Variants in RHBDL2 observed in about 807,000 individuals in gnomAD.
RHBDL2 encodes rhomboid like 2.
Under a neutral mutation model 31.7 loss-of-function variants are expected in RHBDL2, and 26 were observed. That is an observed-to-expected ratio of 0.82 (90% confidence interval 0.60 to 1.14). The LOEUF (loss-of-function observed/expected upper bound fraction) is 1.14. Among genes scored for constraint, RHBDL2 ranks in the 50% most tolerant of loss-of-function variants. The pLI is 0.00. For missense variants in RHBDL2, 336 were observed against 364.4 expected (o/e 0.92, Z 0.63); for synonymous variants, 123 against 127.2 (o/e 0.97, Z 0.22).
At chr1:38,904,743 A>T (rs1469719838) in intron 4 of RHBDL2, among the ~76,000 whole-genome samples, 3 of 149,606 alleles carry the variant, frequency 2.0e-5, no homozygotes, top group Non-Finnish European at 4.4e-5. Flanking sequence ...TTTTAAAAAT[A>T]AAAATTGGCC....
At chr1:38,939,200 T>A (rs141631817) in intron 1 of RHBDL2, among the ~76,000 whole-genome samples, 3,173 of 152,254 alleles carry the variant, frequency 0.021, 39 homozygotes, top group Middle Eastern at 0.051. Context: ...AAGGCCAGTG[T>A]CTAGAGAGGT....
At position 38,920,383 on chromosome 1, in the gene RHBDL2, G is replaced by C. The variant is rs143300459; in HGVS notation, c.-125-1046C>G. On this transcript the variant is annotated intron_variant, in intron 1 of 7. Coordinates refer to ENST00000372990, the MANE Select transcript of RHBDL2 (RefSeq NM_017821.5). ...GGGTTTCACCATGTTGGCCAGGCTA[G>C]TCTCGAACTCCCAACCTCAAGTGAT... Among the ~76,000 whole-genome samples, 562 of 151,840 alleles carry C rather than the reference G, an allele frequency of 3.7e-3. 2 individuals carry two copies. Among genetic ancestry groups the C allele is most frequent in the African/African-American group, 0.013 (530 of 41,396 alleles).
At position 38,912,883 on chromosome 1, in the gene RHBDL2, CATATATATAT is replaced by C. The variant is rs141150431; in HGVS notation, c.396-1459_396-1450del. On this transcript the variant is annotated intron_variant, in intron 3 of 7. Coordinates refer to ENST00000372990, the MANE Select transcript of RHBDL2 (RefSeq NM_017821.5). ...AGGAAGCTAAGTAACTACCATATAC[CATATATATAT>C]ATATATATATATATATATGTGTGTG... Among the ~76,000 whole-genome samples the C allele has an allele frequency of 5.4e-3, 579 of 106,544 alleles. 2 individuals are homozygous for C. Among genetic ancestry groups the C allele is most frequent in the Non-Finnish European group, 7.0e-3 (419 of 59,548 alleles). The allele number at this position is 106,544 out of a possible 152,430, so 69.9% of individuals were successfully genotyped here.
intron 4 of RHBDL2, among the ~76,000 whole-genome samples, chr1:38,909,241 A>G (rs1471305746): frequency 1.3e-5 from 2 of 152,026 alleles, no homozygotes; most frequent in Admixed American, 6.6e-5. Flanking sequence ...GTCCGTCCTC[A>G]CCTAGTTCCG....
At chr1:38,900,615 T>A (rs370548782) in intron 4 of RHBDL2, among the ~76,000 whole-genome samples, 77 of 151,008 alleles carry the variant, frequency 5.1e-4, no homozygotes, top group African/African-American at 1.8e-3. Flanking sequence ...AGTTAGACTC[T>A]GTCTAAAAAA....
chr1:38,913,581 C>T (rs1643187657), intron 3 of RHBDL2: 1 of 150,688 alleles, frequency 6.6e-6, no homozygotes, highest in South Asian at 2.1e-4. Flanking sequence ...GACTCCTGGA[C>T]TCAAAGCGAT....
intron 1 of RHBDL2, among the ~76,000 whole-genome samples, chr1:38,930,287 G>A (rs1385645034): frequency 6.6e-6 from 1 of 151,956 alleles, no homozygotes; most frequent in Admixed American, 6.6e-5. Context: ...ATTATTTTCT[G>A]GATCCTCCCG....
chr1:38,921,573 A>C (rs1643316532), intron 1 of RHBDL2, among the ~76,000 whole-genome samples: 1 of 152,142 alleles, frequency 6.6e-6, no homozygotes, highest in African/African-American at 2.4e-5. Flanking sequence ...TTTCAAATGA[A>C]ACTCATTAGG....
In RHBDL2 at chr1:38,919,291, C is replaced by G. The variant is rs769313576; in HGVS notation, c.-79G>C. On this transcript the variant is annotated 5_prime_UTR_variant, in exon 2 of 8. Transcript: ENST00000372990. ...GTGGCCCTAGGTCCTCAGGCTGCCG[C>G]TCTTCCCTGGGCTGTCTGGCGCAAC... 12 of 1,610,700 alleles carry G rather than the reference C, an allele frequency of 7.5e-6. No homozygotes were observed. Among genetic ancestry groups the G allele is most frequent in the Admixed American group, 1.7e-5 (1 of 59,984 alleles).
intron 1 of RHBDL2, among the ~76,000 whole-genome samples, chr1:38,923,910 C>T (rs190462931): frequency 6.6e-6 from 1 of 152,230 alleles, no homozygotes; most frequent in East Asian, 1.9e-4. Context: ...AAGTTCTCAT[C>T]CTACAGGTAG....
At chr1:38,906,002 G>T (rs1002253211) in intron 4 of RHBDL2, among the ~76,000 whole-genome samples, 34 of 151,842 alleles carry the variant, frequency 2.2e-4, no homozygotes, top group African/African-American at 8.2e-4. Context: ...GGGAGGCAGA[G>T]GTTGCAGTGA....
At chr1:38,919,370 C>G in intron 1 of RHBDL2, 33 bp from the exon 2 acceptor site, 1 of 1,528,942 alleles carries the variant, frequency 6.5e-7, no homozygotes, top group Non-Finnish European at 8.7e-7. Context: ...TGAAGATGAT[C>G]AAAATGATCT....
At position 38,918,970 on chromosome 1, in the gene RHBDL2, G is replaced by T. The variant is rs753364943; in HGVS notation, c.243C>A (p.Ala81=). Residue 81 remains alanine, a synonymous_variant, in exon 2 of 8, where the codon GCC becomes GCA. Transcript: ENST00000372990. ...GCCCACCCCGCTCCCCATTCACCTCGGCCAGGCTGATGGAGATGATGAACA... is the reference window on the plus strand; with the variant it reads ...GCCCACCCCGCTCCCCATTCACCTCTGCCAGGCTGATGGAGATGATGAACA... ...PPVFIISISL[A]ELAVFIYYAV... 6.2e-7 allele frequency: 1 copy of T among 1,611,416 alleles called. No homozygotes were observed. The highest frequency in any genetic ancestry group is 1.1e-5 in the South Asian group (1 of 90,974).
At chr1:38,932,675 G>A (rs1435408397) in intron 1 of RHBDL2, among the ~76,000 whole-genome samples, 1 of 152,142 alleles carries the variant, frequency 6.6e-6, no homozygotes, top group African/African-American at 2.4e-5. Context: ...GCCGAAGCTG[G>A]TCTTGAACTC....
At chr1:38,886,759 TCA>T in intron 7 of RHBDL2, 76 bp from the exon 8 acceptor site, 1 of 1,208,416 alleles carries the variant, frequency 8.3e-7, no homozygotes, top group South Asian at 1.9e-5. Context: ...TCTCTCTTAT[TCA>T]AACACAAATA....
At chr1:38,925,061 T>G (rs72938853) in intron 1 of RHBDL2, among the ~76,000 whole-genome samples, 55,664 of 151,516 alleles carry the variant, frequency 0.37, 11,147 homozygotes, top group East Asian at 0.7. Context: ...GATTATAGGC[T>G]TAAACCACCA....
At chr1:38,929,366 G>C in intron 1 of RHBDL2, 2 of 1,279,660 alleles carry the variant, frequency 1.6e-6, no homozygotes, top group South Asian at 2.5e-5. Flanking sequence ...TTGCCTCTTT[G>C]AGAAGCCAGA....
At chr1:38,913,855 A>T (rs1316493067) in intron 3 of RHBDL2, among the ~76,000 whole-genome samples, 1 of 152,182 alleles carries the variant, frequency 6.6e-6, no homozygotes, top group Non-Finnish European at 1.5e-5. Flanking sequence ...ACAGTGGCTC[A>T]CGCCTGTAAT....
chr1:38,912,910 A>ATATATATATATATATATATGTGTG (rs1399583863), intron 3 of RHBDL2, among the ~76,000 whole-genome samples: 1 of 41,368 alleles, frequency 2.4e-5, no homozygotes, highest in African/African-American at 9.2e-5. Flanking sequence ...ATATATATAT[A>ATATATATATATATATATATGTGTG]TGTGTGTGTG....
Sources: allele counts gnomAD v4.1 joint callset (sites outside exome capture counted in the v4.1 genomes callset), GRCh38; gene constraint gnomAD v4.1.1; transcripts MANE v1.5; gene names NCBI Gene and HGNC (gene_info 2026-07-23, HGNC 2026-07-21).